Variants in SFT2D2 observed in about 807,000 individuals in gnomAD.
SFT2D2 encodes the protein vesicle transport protein SFT2B.
In SFT2D2, 21 loss-of-function variants were observed where a neutral mutation model predicts 27.4. The ratio of observed to expected loss-of-function variants is 0.77; its 90% CI spans 0.54 to 1.10. The LOEUF is 1.10. Among genes scored for constraint, SFT2D2 ranks in the 50% least tolerant of loss-of-function variants. The probability of loss-of-function intolerance (pLI) is 0.00; values close to 1 mark genes in which losing one functional copy is unlikely to be tolerated. For missense variants in SFT2D2, 187 were observed against 194.2 expected, an observed-to-expected ratio of 0.96 and a Z score of 0.22; for synonymous variants, 72 against 71.7, an observed-to-expected ratio of 1.00 and a Z score of -0.02.
chr1:168,234,281 C>CT (rs1647413011), intron 3 of SFT2D2, among the ~76,000 whole-genome samples: 1 of 151,870 alleles, frequency 6.6e-6, no homozygotes, highest in African/African-American at 2.4e-5. Flanking sequence ...GTAGTCCCAG[C>CT]TACTTGGGAG....
At position 168,232,059 on chromosome 1, in the gene SFT2D2, A is replaced by G. The variant is rs1647336158; in HGVS notation, c.236+140A>G. On this transcript the variant is annotated intron_variant, in intron 3 of 7. Coordinates refer to ENST00000271375, the MANE Select transcript of SFT2D2 (RefSeq NM_199344.3). ...GAAGTAGTTAGAATATCTCACATTC[A>G]TATCTTATTATTTGAAAACATTTTA... 6.0e-6 allele frequency: 4 copies of G among 662,716 alleles called. No homozygotes were observed. The South Asian group carries it at 7.4e-5, about 12-fold the overall frequency. 41.1% of individuals were successfully genotyped at this position (662,716 alleles called of 1,614,324 possible). A position where few individuals can be genotyped will look rare whatever the true frequency, so the allele number is the denominator to read the frequency against.
rs1647719187 is a variant in SFT2D2 at position 168,243,830 on chromosome 1, TCTC to T, written c.*1295_*1297del. On this transcript the variant is annotated 3_prime_UTR_variant, in exon 8 of 8. Coordinates refer to ENST00000271375, the MANE Select transcript of SFT2D2 (RefSeq NM_199344.3). ...TCCCTCGTTTTCATCAGCCAAGCCA[TCTC>T]CTCCCTGGCCCTCCCTGCCCATCTC... 1.3e-5 allele frequency: 2 copies of T among 153,036 alleles called. No homozygotes were observed. The highest frequency in any genetic ancestry group is 2.9e-5 in the Non-Finnish European group (2 of 68,688). The allele number at this position is 153,036 out of a possible 1,614,324, so 9.5% of individuals were successfully genotyped here.
At position 168,234,402 on chromosome 1, in the gene SFT2D2, A is replaced by AG. The variant is rs987712631; in HGVS notation, c.237-699_237-698insG. Among the ~76,000 whole-genome samples, 5 of 151,390 alleles carry AG rather than the reference A, an allele frequency of 3.3e-5. No individual in the cohort carries two copies. The East Asian group carries it at 5.8e-4, about 18-fold the overall frequency. On this transcript the variant is annotated intron_variant, in intron 3 of 7. Transcript: ENST00000271375. ...AGTGAGACTCCATGTCAAAAAAAAA[A>AG]AAACAAACAAAAAAAACCCAGCATG...
chr1:168,226,174 C>A (rs911420223), intron 1 of SFT2D2, 32 bp downstream of exon 1: 17 of 1,521,514 alleles, frequency 1.1e-5, no homozygotes, highest in Middle Eastern at 4.6e-4. Flanking sequence ...GGCCCCCTCT[C>A]GCCGCGCTCC....
chr1:168,230,096 T>G (rs1183170873), intron 1 of SFT2D2, among the ~76,000 whole-genome samples: 1 of 152,196 alleles, frequency 6.6e-6, no homozygotes, highest in Non-Finnish European at 1.5e-5. Flanking sequence ...TCTTTGGCAA[T>G]ACGTGCCACA....
At chr1:168,228,325 T>C (rs1308621337) in intron 1 of SFT2D2, among the ~76,000 whole-genome samples, 1 of 152,226 alleles carries the variant, frequency 6.6e-6, no homozygotes, top group Non-Finnish European at 1.5e-5. Flanking sequence ...TTTTGTGTGG[T>C]AAGTTGAATT....
At chr1:168,226,836 C>G (rs1700465951) in intron 1 of SFT2D2, among the ~76,000 whole-genome samples, 1 of 151,624 alleles carries the variant, frequency 6.6e-6, no homozygotes, top group African/African-American at 2.4e-5. Flanking sequence ...TTCTTTTTTT[C>G]TGAGACAGAG....
Position 168,244,804 on chromosome 1 carries a change from G to A in SFT2D2, c.*2264G>A, listed in dbSNP as rs530948307. On this transcript the variant is annotated 3_prime_UTR_variant, in exon 8 of 8. Coordinates refer to ENST00000271375, the MANE Select transcript of SFT2D2 (RefSeq NM_199344.3). Reference sequence around the variant, plus strand: ...GTCACTGTGAGCTCCAGCAGCTCCAGCAGCCTGGAATAAGACACCTAGAAG... The same window carrying A: ...GTCACTGTGAGCTCCAGCAGCTCCAACAGCCTGGAATAAGACACCTAGAAG... 33 of 152,196 alleles carry A rather than the reference G, an allele frequency of 2.2e-4. No homozygotes were observed. The highest frequency in any genetic ancestry group is 8.0e-4 in the African/African-American group (33 of 41,504). 9.4% of individuals were successfully genotyped at this position (152,196 alleles called of 1,614,324 possible).
chr1:168,237,420 C>T (rs1647532982), intron 6 of SFT2D2, among the ~76,000 whole-genome samples: 1 of 152,104 alleles, frequency 6.6e-6, no homozygotes, highest in African/African-American at 2.4e-5. Context: ...ATGAGTGGGG[C>T]TGTAGGTTCA....
chr1:168,242,844 A>G lies in SFT2D2; in HGVS notation c.*304A>G. ...TCCCATGAATACAAACCTATTCAGC[A>G]ACAGCACATAAGCCTTGGGTGCAAG... On this transcript the variant is annotated 3_prime_UTR_variant, in exon 8 of 8. Transcript: ENST00000271375. 2 of 386,292 alleles carry G rather than the reference A, an allele frequency of 5.2e-6. No homozygotes were observed. Among genetic ancestry groups the G allele is most frequent in the South Asian group, 2.5e-5 (1 of 40,000 alleles). 23.9% of individuals were successfully genotyped at this position (386,292 alleles called of 1,614,324 possible).
At chr1:168,232,540 C>T (rs1647354036) in intron 3 of SFT2D2, among the ~76,000 whole-genome samples, 1 of 152,224 alleles carries the variant, frequency 6.6e-6, no homozygotes, top group Non-Finnish European at 1.5e-5. Context: ...CTTGTTTCCC[C>T]CTTTTCCCTT....
At position 168,247,099 on chromosome 1, in the gene SFT2D2, A is replaced by G. The variant is rs1489931889; in HGVS notation, c.*4559A>G. On this transcript the variant is annotated 3_prime_UTR_variant, in exon 8 of 8. Coordinates refer to ENST00000271375, the MANE Select transcript of SFT2D2 (RefSeq NM_199344.3). ...TTTTTTTTCAGATAGTCTCTTTTGT[A>G]GTACACTAGTCTTTTTCATTTTTTA... 8.3e-6 allele frequency: 3 copies of G among 361,982 alleles called. No individual in the cohort carries two copies. Among genetic ancestry groups the G allele is most frequent in the Non-Finnish European group, 1.7e-5 (3 of 181,590 alleles). 22.4% of individuals were successfully genotyped at this position (361,982 alleles called of 1,614,324 possible).
At chr1:168,238,908 T>C (rs1008541811) in intron 6 of SFT2D2, among the ~76,000 whole-genome samples, 9 of 152,240 alleles carry the variant, frequency 5.9e-5, no homozygotes, top group African/African-American at 2.2e-4. Context: ...TTTGCCCTTC[T>C]TCTGTGGCTG....
intron 6 of SFT2D2, among the ~76,000 whole-genome samples, chr1:168,237,212 A>C (rs554976570): frequency 6.6e-6 from 1 of 152,388 alleles, no homozygotes; most frequent in South Asian, 2.1e-4. Flanking sequence ...ATCATTTAAC[A>C]GAAGGACAAA....
chr1:168,226,050 G>A lies in SFT2D2; in HGVS notation c.-30G>A. The A allele has an allele frequency of 6.7e-7, 1 of 1,496,810 alleles. No individual in the cohort carries two copies. The highest frequency in any genetic ancestry group is 8.9e-7 in the Non-Finnish European group (1 of 1,119,366). 92.7% of individuals were successfully genotyped at this position (1,496,810 alleles called of 1,614,324 possible). A position where few individuals can be genotyped will look rare whatever the true frequency, so the allele number is the denominator to read the frequency against. On this transcript the variant is annotated 5_prime_UTR_variant, in exon 1 of 8. Coordinates refer to ENST00000271375, the MANE Select transcript of SFT2D2 (RefSeq NM_199344.3). Reference sequence around the variant, plus strand: ...AGCGAGCGCAACAGGCTGCCGCTGAGGAGCTGGAGCTGGTGGGGACTGGGC... The same window carrying A: ...AGCGAGCGCAACAGGCTGCCGCTGAAGAGCTGGAGCTGGTGGGGACTGGGC...
rs1647774487 is a variant in SFT2D2, at chr1:168,245,127, G to C, written c.*2587G>C. On this transcript the variant is annotated 3_prime_UTR_variant, in exon 8 of 8. Coordinates refer to ENST00000271375, the MANE Select transcript of SFT2D2 (RefSeq NM_199344.3). ...GAGTAGGGGGAAAGAGGGAGGGAAG[G>C]AGAAAAATGAAAGGCCTTTAGATTG... 6.6e-6 allele frequency: 1 copy of C among 152,034 alleles called. No individual in the cohort carries two copies. The highest frequency in any genetic ancestry group is 6.6e-5 in the Admixed American group (1 of 15,262). The allele number at this position is 152,034 out of a possible 1,614,324, so 9.4% of individuals were successfully genotyped here.
intron 3 of SFT2D2, among the ~76,000 whole-genome samples, chr1:168,233,595 G>C (rs1247723089): frequency 6.6e-6 from 1 of 152,168 alleles, no homozygotes; most frequent in East Asian, 1.9e-4. Flanking sequence ...CTGACCCTTA[G>C]AGATGTCTCT....
At chr1:168,239,228 A>G (rs1272089826) in intron 7 of SFT2D2, 68 bp downstream of exon 7, 6 of 1,202,944 alleles carry the variant, frequency 5.0e-6, no homozygotes, top group Non-Finnish European at 6.1e-6. Context: ...CAGAGAGTAT[A>G]GCCTATTTTA....
At chr1:168,226,495 G>A (rs2102326531) in intron 1 of SFT2D2, among the ~76,000 whole-genome samples, 1 of 152,152 alleles carries the variant, frequency 6.6e-6, no homozygotes, top group East Asian at 1.9e-4. Flanking sequence ...GGGGCCCCGA[G>A]GTCCAGGCGG....
Sources: gnomAD v4.1 joint callset for allele counts (sites outside exome capture counted in the v4.1 genomes callset) on GRCh38, gnomAD v4.1.1 for gene constraint, MANE v1.5 for transcripts, NCBI Gene and HGNC (gene_info 2026-07-23, HGNC 2026-07-21) for gene names.